The following DMD variants were observed in gnomAD, a reference collection of about 807,000 sequenced individuals.
The protein encoded by DMD is dystrophin, also known as mutant dystrophin.
Under a neutral mutation model 330.1 loss-of-function variants are expected in DMD, and 63 were observed. The observed-to-expected ratio is 0.19, with a 90% CI of 0.16 to 0.24. The LOEUF is 0.24. Among genes scored for constraint, DMD ranks in the 10% least tolerant of loss-of-function variants. DMD has a pLI of 1.00. For synonymous variants in DMD, 1,223 were observed against 959.8 expected (o/e 1.27, Z -5.07); for missense variants, 3,344 against 2,684.1 (o/e 1.25, Z -5.43).
At chrX:31,262,930 G>A (rs1314570971) in intron 62 of DMD, among the ~76,000 whole-genome samples, 1 of 112,634 alleles carries the variant, frequency 8.9e-6, no homozygotes, top group Non-Finnish European at 1.9e-5. Flanking sequence ...GCAAGGAAAG[G>A]TTACCTTCTA....
At chrX:32,546,731 T>C (rs924063353) in intron 16 of DMD, among the ~76,000 whole-genome samples, 16 of 111,327 alleles carry the variant, frequency 1.4e-4, no homozygotes, top group African/African-American at 3.6e-4. Context: ...AGGTTTTATC[T>C]TCTCTAGGAT....
chrX:32,345,837 T>G (rs987610388), intron 39 of DMD, 106 bp downstream of exon 39: 8 of 805,333 alleles, frequency 9.9e-6, no homozygotes, highest in Non-Finnish European at 1.2e-5. Context: ...AAAGTGAGTT[T>G]CTGATGACTA....
chrX:32,947,009 T>C (rs1415736578), intron 2 of DMD, among the ~76,000 whole-genome samples: 1 of 112,346 alleles, frequency 8.9e-6, no homozygotes, highest in Non-Finnish European at 1.9e-5. Flanking sequence ...GATTAAAACT[T>C]AAGGCTTATG....
chrX:32,170,009 TA>T (rs1198259378), intron 44 of DMD, among the ~76,000 whole-genome samples: 1 of 111,926 alleles, frequency 8.9e-6, no homozygotes, highest in African/African-American at 3.2e-5. Flanking sequence ...TGTGATAAGC[TA>T]TTTTTCTAAA....
At chrX:32,907,191 C>T (rs868165950) in intron 2 of DMD, among the ~76,000 whole-genome samples, 1 of 111,774 alleles carries the variant, frequency 8.9e-6, no homozygotes, top group Non-Finnish European at 1.9e-5. Context: ...CATTTCATTG[C>T]GTGAAACAGG....
intron 53 of DMD, among the ~76,000 whole-genome samples, chrX:31,670,529 T>C (rs746660881): frequency 6.2e-5 from 7 of 112,161 alleles, no homozygotes; most frequent in Non-Finnish European, 1.3e-4. Context: ...ACAAAACTCA[T>C]TGTCTCAGAC....
At chrX:31,683,161 A>C (rs983562668) in intron 52 of DMD, among the ~76,000 whole-genome samples, 5 of 111,880 alleles carry the variant, frequency 4.5e-5, no homozygotes, top group Non-Finnish European at 9.4e-5. Flanking sequence ...TTATTAGTTA[A>C]TTAAAAATAT....
Position 32,289,517 on chromosome X carries a change from C to T in DMD, c.6118-1816G>A, listed in dbSNP as rs186367214. Among the ~76,000 whole-genome samples, 31 of 110,919 alleles carry T rather than the reference C, an allele frequency of 2.8e-4. No homozygotes were observed. In the Admixed American group the frequency reaches 2.9e-3, roughly 10 times the overall value. Reference sequence around the variant, plus strand: ...CTGCATTCCCAGGAGGTTGGGCATTCTTAGTCACAGGATGAGATAAGAGGC... The same window carrying T: ...CTGCATTCCCAGGAGGTTGGGCATTTTTAGTCACAGGATGAGATAAGAGGC... On this transcript the variant is annotated intron_variant, in intron 42 of 78. Transcript: ENST00000357033.
intron 4 of DMD, among the ~76,000 whole-genome samples, chrX:32,840,416 G>A (rs1005947851): frequency 2.7e-5 from 3 of 111,557 alleles, no homozygotes; most frequent in African/African-American, 9.8e-5. Context: ...AGTTTCGGAG[G>A]TTTTAAGTTC....
At chrX:32,447,807 C>A (rs1463031497) in intron 27 of DMD, among the ~76,000 whole-genome samples, 1 of 111,594 alleles carries the variant, frequency 9.0e-6, no homozygotes, top group Non-Finnish European at 1.9e-5. Flanking sequence ...ATTTTTGATG[C>A]AATTACATGG....
chrX:32,551,383 A>G (rs1312581339), intron 16 of DMD, among the ~76,000 whole-genome samples: 1 of 111,681 alleles, frequency 9.0e-6, no homozygotes, highest in Non-Finnish European at 1.9e-5. Context: ...AAAAAATCAA[A>G]AACCACATGA....
At chrX:32,112,315 G>A (rs2096592864) in intron 44 of DMD, among the ~76,000 whole-genome samples, 1 of 111,844 alleles carries the variant, frequency 8.9e-6, no homozygotes, top group Non-Finnish European at 1.9e-5. Flanking sequence ...TCTGAGATGA[G>A]GCCTGAGGAT....
intron 44 of DMD, among the ~76,000 whole-genome samples, chrX:32,109,053 A>G (rs2096577456): frequency 8.9e-6 from 1 of 111,957 alleles, no homozygotes; most frequent in Admixed American, 9.5e-5. Context: ...TTTTTTCTCT[A>G]TGCTCATCTA....
intron 16 of DMD, among the ~76,000 whole-genome samples, chrX:32,556,804 G>A (rs1329966113): frequency 1.8e-5 from 2 of 111,039 alleles, no homozygotes; most frequent in African/African-American, 3.3e-5. Flanking sequence ...TAACTTTTTT[G>A]TTATGCTGGG....
chrX:32,782,940 A>G (rs1390328988), intron 7 of DMD, among the ~76,000 whole-genome samples: 1 of 102,503 alleles, frequency 9.8e-6, no homozygotes, highest in Non-Finnish European at 2.0e-5. Context: ...TACCCACAAA[A>G]ATTATATACA....
At chrX:32,253,556 G>T (rs1332299975) in intron 43 of DMD, among the ~76,000 whole-genome samples, 2 of 109,822 alleles carry the variant, frequency 1.8e-5, no homozygotes, top group Non-Finnish European at 1.9e-5. Flanking sequence ...TACTCATCAG[G>T]GTCTGATCCT....
At chrX:31,967,376 AT>A (rs2095361659) in intron 45 of DMD, among the ~76,000 whole-genome samples, 1 of 96,416 alleles carries the variant, frequency 1.0e-5, no homozygotes, top group Non-Finnish European at 2.1e-5. Flanking sequence ...TAATGTGTTT[AT>A]TTTGTACAAA....
chrX:31,376,807 G>A (rs1231659301), intron 60 of DMD, among the ~76,000 whole-genome samples: 1 of 112,014 alleles, frequency 8.9e-6, no homozygotes, highest in East Asian at 2.8e-4. Flanking sequence ...TTCCTAGTGA[G>A]GGTGGATGAG....
At chrX:31,589,182 T>C (rs893329443) in intron 55 of DMD, among the ~76,000 whole-genome samples, 5 of 110,762 alleles carry the variant, frequency 4.5e-5, no homozygotes, top group African/African-American at 1.3e-4. Flanking sequence ...GCAGCAATCC[T>C]CTCAAAATCA....
Sources: gnomAD v4.1 joint callset for allele counts (sites outside exome capture counted in the v4.1 genomes callset) on GRCh38, gnomAD v4.1.1 for gene constraint, MANE v1.5 for transcripts, NCBI Gene and HGNC (gene_info 2026-07-23, HGNC 2026-07-21) for gene names.